The following DHRSX variants were observed in gnomAD, a reference collection of about 807,000 sequenced individuals.
DHRSX encodes dehydrogenase/reductase X-linked, also known as polyprenol dehydrogenase.
A neutral mutation model predicts 34.0 loss-of-function variants in DHRSX; 31 were observed. The observed-to-expected ratio is 0.91, with a 90% CI of 0.69 to 1.23. The LOEUF is 1.23. Ranked by LOEUF, DHRSX falls within the 50% of genes most tolerant of loss-of-function variation. The pLI is 0.00. For missense variants in DHRSX, 414 were observed against 428.1 expected (o/e 0.97, Z 0.29); for synonymous variants, 201 against 183.8 (o/e 1.09, Z -0.76).
chrX:2,358,257 T>C (rs757700175), intron 3 of DHRSX, among the ~76,000 whole-genome samples: 1 of 152,144 alleles, frequency 6.6e-6, no homozygotes, highest in East Asian at 1.9e-4. Flanking sequence ...ACTATGCATC[T>C]GATAAAGGTT....
Position 2,245,722 on chromosome X carries a change from C to T in DHRSX, c.597-2492G>A, listed in dbSNP as rs1426945156. Among the ~76,000 whole-genome samples, 3 of 144,512 alleles carry T rather than the reference C, an allele frequency of 2.1e-5. No homozygotes were observed. The East Asian group carries it at 6.2e-4, about 30-fold the overall frequency. 94.8% of individuals were successfully genotyped at this position (144,512 alleles called of 152,430 possible). ...CCTGTAATCTCAGCACTTTGGGAGG[C>T]CAAGGCGGGCGGATCACAAGGTCAG... On this transcript the variant is annotated intron_variant, in intron 5 of 6. Coordinates refer to ENST00000334651, the MANE Select transcript of DHRSX (RefSeq NM_145177.3).
chrX:2,231,323 T>G (rs1190558891), intron 6 of DHRSX, among the ~76,000 whole-genome samples: 2 of 152,124 alleles, frequency 1.3e-5, no homozygotes, highest in Admixed American at 1.3e-4. Context: ...TTCCAATGTG[T>G]ACCTCAAACT....
At chrX:2,294,066 GAGAGAA>G (rs904821971) in intron 3 of DHRSX, among the ~76,000 whole-genome samples, 1 of 151,614 alleles carries the variant, frequency 6.6e-6, no homozygotes, top group Non-Finnish European at 1.5e-5. Context: ...AGCAGAGAGA[GAGAGAA>G]AGAGAGAAAG....
chrX:2,500,326 G>A, intron 1 of DHRSX: 1 of 189,090 alleles, frequency 5.3e-6, no homozygotes, highest in South Asian at 1.2e-4. Context: ...GGTGGGTAGG[G>A]GTCGAGGTCC....
At chrX:2,484,382 A>C (rs1260725602) in intron 1 of DHRSX, among the ~76,000 whole-genome samples, 1 of 152,178 alleles carries the variant, frequency 6.6e-6, no homozygotes, top group Non-Finnish European at 1.5e-5. Flanking sequence ...TGACACCATC[A>C]GGGTACTCAT....
chrX:2,259,943 A>C (rs1367996092), intron 5 of DHRSX, among the ~76,000 whole-genome samples: 1 of 152,170 alleles, frequency 6.6e-6, no homozygotes, highest in Middle Eastern at 3.2e-3. Context: ...ATAAAGTCTC[A>C]TTCTAGGTTC....
At chrX:2,409,593 C>T (rs1018305787) in intron 2 of DHRSX, among the ~76,000 whole-genome samples, 36 of 152,180 alleles carry the variant, frequency 2.4e-4, no homozygotes, top group Non-Finnish European at 1.0e-4. Context: ...ACTGCACTTC[C>T]GTAAAACTCT....
chrX:2,464,204 C>T (rs2044446893), intron 1 of DHRSX, among the ~76,000 whole-genome samples: 1 of 87,916 alleles, frequency 1.1e-5, no homozygotes, highest in Non-Finnish European at 2.0e-5. Context: ...GCTAAGGGAC[C>T]GCCGTGTACA....
intron 3 of DHRSX, among the ~76,000 whole-genome samples, chrX:2,349,971 G>A (rs148915686): frequency 0.014 from 2,187 of 151,756 alleles, 51 homozygotes; most frequent in African/African-American, 0.05. Context: ...CCTGGGAGGT[G>A]GAGCTTGCAG....
chrX:2,437,671 C>CAG (rs1208680585), intron 1 of DHRSX, among the ~76,000 whole-genome samples: 29 of 143,086 alleles, frequency 2.0e-4, no homozygotes, highest in African/African-American at 7.0e-4. Context: ...CTAAGAGAGA[C>CAG]AGAGAGAGAG....
chrX:2,424,144 G>A (rs1193682744), intron 2 of DHRSX, among the ~76,000 whole-genome samples: 1 of 152,102 alleles, frequency 6.6e-6, no homozygotes, highest in Non-Finnish European at 1.5e-5. Context: ...TGAGGACACG[G>A]ACACACACAG....
At chrX:2,349,174 G>A (rs575219593) in intron 3 of DHRSX, among the ~76,000 whole-genome samples, 3 of 151,922 alleles carry the variant, frequency 2.0e-5, no homozygotes, top group South Asian at 2.1e-4. Context: ...AAGATAAATC[G>A]GTCTATGAGA....
intron 6 of DHRSX, among the ~76,000 whole-genome samples, chrX:2,227,176 G>A (rs1454562847): frequency 6.6e-6 from 1 of 152,036 alleles, no homozygotes; most frequent in Non-Finnish European, 1.5e-5. Context: ...GGGGACAGAC[G>A]TGTCTGCACA....
chrX:2,473,795 G>C (rs1180755838), intron 1 of DHRSX, among the ~76,000 whole-genome samples: 1 of 139,492 alleles, frequency 7.2e-6, no homozygotes, highest in Non-Finnish European at 1.5e-5. Flanking sequence ...TGATAGGATG[G>C]GGGCATCTCC....
intron 1 of DHRSX, among the ~76,000 whole-genome samples, chrX:2,463,153 C>G (rs959310178): frequency 1.3e-5 from 2 of 152,142 alleles, no homozygotes; most frequent in African/African-American, 4.8e-5. Flanking sequence ...TGATAAATGT[C>G]TCTAGTTTAT....
At chrX:2,328,660 G>A (rs1306651482) in intron 3 of DHRSX, among the ~76,000 whole-genome samples, 1 of 152,204 alleles carries the variant, frequency 6.6e-6, no homozygotes, top group Non-Finnish European at 1.5e-5. Flanking sequence ...GGAAGAACCA[G>A]CCCTGCCCAC....
At chrX:2,282,841 GGAGA>G (rs1242063502) in intron 4 of DHRSX, among the ~76,000 whole-genome samples, 1 of 131,184 alleles carries the variant, frequency 7.6e-6, no homozygotes, top group Admixed American at 7.4e-5. Flanking sequence ...AGGGAGAAAG[GGAGA>G]GAGAGAAGGG....
At position 2,396,379 on chromosome X, in the gene DHRSX, T is replaced by TC. The variant is rs1271189254; in HGVS notation, c.286+12365_286+12366insG. 2.2e-3 allele frequency among the ~76,000 whole-genome samples: 303 copies of TC among 139,274 alleles called. 3 individuals carry two copies. The highest frequency in any genetic ancestry group is 3.6e-3 in the Non-Finnish European group (227 of 63,536). The allele number at this position is 139,274 out of a possible 152,430, so 91.4% of individuals were successfully genotyped here. On this transcript the variant is annotated intron_variant, in intron 3 of 6. Transcript: ENST00000334651. ...TTTGATGCTTTCTTTCTTTTTCTTT[T>TC]TTTTTTTTTTTTTTTTGAGACAGAA... is the stretch of plus-strand genomic sequence containing the variant.
At chrX:2,401,625 T>G (rs1447831793) in intron 3 of DHRSX, among the ~76,000 whole-genome samples, 5 of 152,212 alleles carry the variant, frequency 3.3e-5, no homozygotes, top group Non-Finnish European at 7.3e-5. Context: ...GTTTAACTGG[T>G]TATCTCTCCC....
Sources: allele counts gnomAD v4.1 joint callset (sites outside exome capture counted in the v4.1 genomes callset), GRCh38; gene constraint gnomAD v4.1.1; transcripts MANE v1.5; gene names NCBI Gene and HGNC (gene_info 2026-07-23, HGNC 2026-07-21).